Variants in ENPP1 observed in about 807,000 individuals in gnomAD.
The protein encoded by ENPP1 is ectonucleotide pyrophosphatase/phosphodiesterase 1.
Under a neutral mutation model 122.8 loss-of-function variants are expected in ENPP1, and 73 were observed. The observed-to-expected ratio is 0.59, with a 90% CI of 0.49 to 0.72. The LOEUF (loss-of-function observed/expected upper bound fraction) is 0.72, where lower values mean the gene tolerates loss of function less well. Among genes scored for constraint, ENPP1 ranks in the 30% least tolerant of loss-of-function variants. The pLI, the probability that ENPP1 is intolerant of heterozygous loss-of-function variation, is 0.00. For missense variants in ENPP1, 978 were observed against 1,128.1 expected (o/e 0.87, Z 1.91); for synonymous variants, 367 against 391.6 (o/e 0.94, Z 0.74).
chr6:131,857,268 A>C (rs1278702332), intron 6 of ENPP1, among the ~76,000 whole-genome samples: 1 of 149,394 alleles, frequency 6.7e-6, no homozygotes, highest in Non-Finnish European at 1.5e-5. Flanking sequence ...TAGAACTAGA[A>C]ATACCATTTG....
intron 5 of ENPP1, among the ~76,000 whole-genome samples, 162 bp downstream of exon 5, chr6:131,852,397 G>A (rs1443679064): frequency 6.6e-6 from 1 of 152,106 alleles, no homozygotes; most frequent in Non-Finnish European, 1.5e-5. Flanking sequence ...AACTGTTTTG[G>A]ATTTTGGACT....
intron 1 of ENPP1, chr6:131,826,467 G>T: frequency 1.0e-6 from 1 of 984,694 alleles, no homozygotes; most frequent in Non-Finnish European, 1.6e-6. Context: ...TAATGTTATT[G>T]TGCCATAAGT....
chr6:131,837,520 C>CA (rs34431136), intron 1 of ENPP1, among the ~76,000 whole-genome samples: 2,005 of 80,174 alleles, frequency 0.025, 21 homozygotes, highest in Admixed American at 0.039. Flanking sequence ...GACTCTGTCT[C>CA]AAAAAAAAAA....
At chr6:131,843,401 G>C (rs527886364) in intron 1 of ENPP1, among the ~76,000 whole-genome samples, 2 of 152,146 alleles carry the variant, frequency 1.3e-5, no homozygotes, top group Non-Finnish European at 2.9e-5. Context: ...TTAAAAGTCA[G>C]CATGTGTCTT....
At chr6:131,864,836 A>C in intron 10 of ENPP1, 30 bp from the exon 11 acceptor site, 3 of 1,414,820 alleles carry the variant, frequency 2.1e-6, no homozygotes, top group Non-Finnish European at 3.0e-6. Context: ...GTGTTCGTAA[A>C]ATATTACATT....
chr6:131,863,748 T>C (rs1017939408), intron 9 of ENPP1, among the ~76,000 whole-genome samples: 1 of 118,468 alleles, frequency 8.4e-6, no homozygotes, highest in Admixed American at 8.5e-5. Context: ...TCTACTAAAA[T>C]ACAAAAAAAA....
chr6:131,849,617 C>A (rs570868479), intron 2 of ENPP1, among the ~76,000 whole-genome samples: 10 of 152,272 alleles, frequency 6.6e-5, no homozygotes, highest in African/African-American at 2.4e-4. Flanking sequence ...GAACCCCATG[C>A]CTGCTTAAGC....
intron 1 of ENPP1, among the ~76,000 whole-genome samples, chr6:131,809,058 C>T (rs1043254973): frequency 4.6e-5 from 7 of 152,090 alleles, no homozygotes; most frequent in African/African-American, 1.7e-4. Context: ...TGAGGCCTTG[C>T]GTAACTGTCC....
intron 18 of ENPP1, chr6:131,877,866 A>AATATATATATATATATAT (rs35142604): frequency 2.5e-4 from 13 of 53,014 alleles, no homozygotes; most frequent in Non-Finnish European, 3.3e-4. Context: ...AAAAAAAAAA[A>AATATATATATATATATAT]ATATATATAT....
intron 5 of ENPP1, 87 bp from the exon 6 acceptor site, chr6:131,854,839 G>A (rs1781925192): frequency 1.1e-6 from 1 of 905,966 alleles, no homozygotes; most frequent in African/African-American, 1.6e-5. Context: ...ATCTTCACTG[G>A]ACCTGTGCCA....
intron 9 of ENPP1, among the ~76,000 whole-genome samples, chr6:131,863,549 TCCCAGGAGCACAG>T (rs1782050058): frequency 1.3e-5 from 2 of 152,126 alleles, no homozygotes; most frequent in African/African-American, 4.8e-5. Context: ...TCTTTATGGT[TCCCAGGAGCACAG>T]TGCAATGCCT....
At chr6:131,815,181 G>A (rs1585787921) in intron 1 of ENPP1, among the ~76,000 whole-genome samples, 1 of 152,274 alleles carries the variant, frequency 6.6e-6, no homozygotes, top group South Asian at 2.1e-4. Flanking sequence ...GGCAGACGGG[G>A]CCTCTGTGAT....
chr6:131,857,895 G>A (rs1213987674), intron 6 of ENPP1, among the ~76,000 whole-genome samples: 2 of 152,166 alleles, frequency 1.3e-5, no homozygotes, highest in South Asian at 2.1e-4. Flanking sequence ...AGAGTTAAGA[G>A]GTGGAGGTAC....
At position 131,890,755 on chromosome 6, in the gene ENPP1, A is replaced by C. The variant is rs1026910094; in HGVS notation, c.*244A>C. The C allele has an allele frequency of 1.9e-6, 1 of 517,392 alleles. No individual in the cohort carries two copies. The highest frequency in any genetic ancestry group is 1.9e-5 in the African/African-American group (1 of 52,188). 32.1% of individuals were successfully genotyped at this position (517,392 alleles called of 1,614,324 possible). Reference sequence around the variant, plus strand: ...ACATTGATCAAGTTCGGGGGAATAAAGACAGACCACACCTAAAACTGCCTT... The same window carrying C: ...ACATTGATCAAGTTCGGGGGAATAACGACAGACCACACCTAAAACTGCCTT... On this transcript the variant is annotated 3_prime_UTR_variant, in exon 25 of 25. Transcript: ENST00000647893.
Position 131,890,412 on chromosome 6 carries a change from G to A in ENPP1, c.2679G>A (p.Glu893=). Residue 893 remains glutamate, a synonymous_variant, in exon 25 of 25, where the codon GAG becomes GAA. Transcript: ENST00000647893. ...MLHRARITDV[E]HITGLSFYQQ... is the part of the protein sequence containing the mutation. ...ACAGAGCACGGATCACAGATGTTGA[G>A]CACATCACTGGACTCAGCTTCTATC... is the stretch of plus-strand genomic sequence containing the variant. 1.9e-6 allele frequency: 3 copies of A among 1,612,932 alleles called. No homozygotes were observed. Among genetic ancestry groups the A allele is most frequent in the Non-Finnish European group, 2.5e-6 (3 of 1,178,914 alleles).
chr6:131,815,067 G>A (rs1781397825), intron 1 of ENPP1, among the ~76,000 whole-genome samples: 1 of 152,164 alleles, frequency 6.6e-6, no homozygotes, highest in South Asian at 2.1e-4. Flanking sequence ...ATAAATTCAG[G>A]GGTAAGATTA....
chr6:131,887,581 CAG>C (rs1191781424), intron 24 of ENPP1, among the ~76,000 whole-genome samples: 1 of 111,228 alleles, frequency 9.0e-6, no homozygotes, highest in Admixed American at 1.1e-4. Context: ...TTTTTTGAGA[CAG>C]AGTCTCACTT....
In ENPP1 at chr6:131,893,255, A is replaced by G. The variant is rs1022049593; in HGVS notation, c.*2744A>G. ...TCTGTTCCCTTTGCTGGACGCCAAG[A>G]ATACAAAAAAGAACAAGTGACAATT... On this transcript the variant is annotated 3_prime_UTR_variant, in exon 25 of 25. Coordinates refer to ENST00000647893, the MANE Select transcript of ENPP1 (RefSeq NM_006208.3). The G allele has an allele frequency of 6.6e-6, 1 of 152,258 alleles. No individual in the cohort carries two copies. Among genetic ancestry groups the G allele is most frequent in the Non-Finnish European group, 1.5e-5 (1 of 68,048 alleles). The allele number at this position is 152,258 out of a possible 1,614,324, so 9.4% of individuals were successfully genotyped here. A position where few individuals can be genotyped will look rare whatever the true frequency, so the allele number is the denominator to read the frequency against.
At chr6:131,841,454 T>C (rs576805783) in intron 1 of ENPP1, among the ~76,000 whole-genome samples, 2 of 152,346 alleles carry the variant, frequency 1.3e-5, no homozygotes, top group Admixed American at 1.3e-4. Flanking sequence ...CATCCAGCAA[T>C]CTACCATTTC....
Sources: allele counts gnomAD v4.1 joint callset (sites outside exome capture counted in the v4.1 genomes callset), GRCh38; gene constraint gnomAD v4.1.1; transcripts MANE v1.5; gene names NCBI Gene and HGNC (gene_info 2026-07-23, HGNC 2026-07-21).